Variants in SMAD6 observed in about 807,000 individuals in gnomAD.
SMAD6 encodes MAD homolog 6.
Under a neutral mutation model 39.4 loss-of-function variants are expected in SMAD6, and 103 were observed. The ratio of observed to expected loss-of-function variants is 2.62; its 90% confidence interval spans 2.23 to 3.08. The LOEUF (loss-of-function observed/expected upper bound fraction) is 3.08, where lower values mean the gene tolerates loss of function less well. Ranked by LOEUF, SMAD6 falls within the 30% of genes most tolerant of loss-of-function variation. The probability of loss-of-function intolerance (pLI) is 0.00; values close to 1 mark genes in which losing one functional copy is unlikely to be tolerated. For missense variants in SMAD6, 1,104 were observed against 742.9 expected (o/e 1.49, Z -5.65); for synonymous variants, 445 against 353.3 (o/e 1.26, Z -2.91).
chr15:66,781,625 C>G lies in SMAD6; in HGVS notation c.*90C>G. On this transcript the variant is annotated 3_prime_UTR_variant, in exon 4 of 4. Coordinates refer to ENST00000288840, the MANE Select transcript of SMAD6 (RefSeq NM_005585.5). Reference sequence around the variant, plus strand: ...GGGCCGATGCCCAGAGACACAGCCCCCACGGACAAAACCCCCCAGATATCA... The same window carrying G: ...GGGCCGATGCCCAGAGACACAGCCCGCACGGACAAAACCCCCCAGATATCA... 1.1e-6 allele frequency: 1 copy of G among 932,524 alleles called. No homozygotes were observed. The highest frequency in any genetic ancestry group is 1.5e-6 in the Non-Finnish European group (1 of 658,090). The allele number at this position is 932,524 out of a possible 1,614,324, so 57.8% of individuals were successfully genotyped here.
At position 66,759,182 on chromosome 15, in the gene SMAD6, G is replaced by T. The variant is rs565840320; in HGVS notation, c.953-21815G>T. ...TATCAAAGCCAAAATGATCTGTAAG[G>T]TATAATAATCAATAATCTTTGTACA... On this transcript the variant is annotated intron_variant, in intron 3 of 3. Transcript: ENST00000288840. Among the ~76,000 whole-genome samples, 14 of 152,250 alleles carry T rather than the reference G, an allele frequency of 9.2e-5. No individual in the cohort carries two copies. In the South Asian group the frequency reaches 2.7e-3, roughly 29 times the overall value.
chr15:66,779,358 C>T (rs1366270136), intron 3 of SMAD6, among the ~76,000 whole-genome samples: 1 of 152,202 alleles, frequency 6.6e-6, no homozygotes, highest in Non-Finnish European at 1.5e-5. Context: ...GCAAAATGAT[C>T]CAAGCTGCGG....
At position 66,781,268 on chromosome 15, in the gene SMAD6, C is replaced by G. The variant is rs1381118550; in HGVS notation, c.1224C>G (p.His408Gln). ...DGVWAYNRGE[H>Q]PIFVNSPTLD... ...TGTGGGCCTACAACCGCGGCGAGCA[C>G]CCCATCTTCGTCAACTCCCCGACGC... Residue 408 changes from histidine to glutamine, a missense_variant, in exon 4 of 4, where the codon CAC becomes CAG. Transcript: ENST00000288840. 1.9e-6 allele frequency: 3 copies of G among 1,607,562 alleles called. No individual in the cohort carries two copies. The highest frequency in any genetic ancestry group is 2.5e-6 in the Non-Finnish European group (3 of 1,178,928).
At chr15:66,718,946 C>A (rs910146803) in intron 3 of SMAD6, among the ~76,000 whole-genome samples, 1 of 152,106 alleles carries the variant, frequency 6.6e-6, no homozygotes, top group Non-Finnish European at 1.5e-5. Flanking sequence ...ATGTGTTGGG[C>A]CAGGCCGGGG....
At chr15:66,751,442 T>C (rs531354866) in intron 3 of SMAD6, among the ~76,000 whole-genome samples, 1 of 152,306 alleles carries the variant, frequency 6.6e-6, no homozygotes, top group African/African-American at 2.4e-5. Context: ...AGGCTGATAG[T>C]GCATGCCCTC....
chr15:66,756,183 G>A (rs577534464), intron 3 of SMAD6, among the ~76,000 whole-genome samples: 2 of 152,156 alleles, frequency 1.3e-5, no homozygotes, highest in East Asian at 3.9e-4. Flanking sequence ...TGAAAATATT[G>A]TGGGTACGTG....
intron 3 of SMAD6, chr15:66,740,525 C>G (rs1383955699): frequency 1.3e-5 from 2 of 152,180 alleles, no homozygotes; most frequent in Non-Finnish European, 2.9e-5. Context: ...TGGGCAAATT[C>G]TTCAACCTCT....
chr15:66,703,984 G>T lies in SMAD6; in HGVS notation c.726G>T (p.Lys242Asn), dbSNP rs1193911261. ...WPDLQHAVEL[K>N]PLCGCHSFAA... ...ACCTGCAGCACGCCGTGGAGCTGAA[G>T]CCCCTGTGCGGCTGCCACAGCTTCG... The change falls in exon 1 of 4, where the codon AAG becomes AAT. Residue 242 changes from lysine (K) to asparagine (N), a missense_variant. Transcript: ENST00000288840. 2 of 1,474,348 alleles carry T rather than the reference G, an allele frequency of 1.4e-6. No homozygotes were observed. Among genetic ancestry groups the T allele is most frequent in the African/African-American group, 1.5e-5 (1 of 68,526 alleles). The allele number at this position is 1,474,348 out of a possible 1,614,324, so 91.3% of individuals were successfully genotyped here. A position where few individuals can be genotyped will look rare whatever the true frequency, so the allele number is the denominator to read the frequency against.
At chr15:66,778,896 C>T (rs1894511826) in intron 3 of SMAD6, among the ~76,000 whole-genome samples, 1 of 152,220 alleles carries the variant, frequency 6.6e-6, no homozygotes, top group African/African-American at 2.4e-5. Flanking sequence ...GATGCCGTTG[C>T]CCGTCCTGTC....
chr15:66,742,277 G>A (rs998696949), intron 3 of SMAD6, among the ~76,000 whole-genome samples: 2 of 152,116 alleles, frequency 1.3e-5, no homozygotes, highest in Admixed American at 6.5e-5. Context: ...CGCCCTGAGC[G>A]CGTGCCCTCT....
intron 3 of SMAD6, among the ~76,000 whole-genome samples, chr15:66,772,341 C>T (rs1352918359): frequency 6.6e-6 from 1 of 152,180 alleles, no homozygotes; most frequent in East Asian, 1.9e-4. Context: ...TCAGGTAGTG[C>T]ATTTAAAGGG....
intron 3 of SMAD6, among the ~76,000 whole-genome samples, chr15:66,772,567 G>T (rs1894397097): frequency 6.6e-6 from 1 of 152,180 alleles, no homozygotes; most frequent in African/African-American, 2.4e-5. Context: ...AAGGCTGCAT[G>T]ATAGTAATAA....
Position 66,703,921 on chromosome 15 carries a change from GC to G in SMAD6, c.665del (p.Pro222ArgfsTer20). The G allele has an allele frequency of 2.3e-6, 3 of 1,309,056 alleles. No individual in the cohort carries two copies. The highest frequency in any genetic ancestry group is 3.2e-5 in the East Asian group (1 of 31,662). The allele number at this position is 1,309,056 out of a possible 1,614,324, so 81.1% of individuals were successfully genotyped here. On this transcript the variant is annotated frameshift_variant, in exon 1 of 4. Transcript: ENST00000288840. LOFTEE classifies it high-confidence loss of function. ...TCCGCCTGGGCGGCCAGCCCGCGCC[GC>G]CGCAGCTGCTGCTCGGCCGCCTCTT... is the stretch of plus-strand genomic sequence containing the variant. ...DLRLGGQPAPPQLLLGRLFRW... is the reference protein window; with the variant it reads ...DLRLGGQPAPXQLLLGRLFRW...
At chr15:66,727,635 C>T (rs1016097652) in intron 3 of SMAD6, among the ~76,000 whole-genome samples, 6 of 152,114 alleles carry the variant, frequency 3.9e-5, no homozygotes, top group Non-Finnish European at 8.8e-5. Flanking sequence ...GCCTTGAATG[C>T]CACTTCAGGG....
In SMAD6 at chr15:66,711,711, G is replaced by C. The variant is rs754018703; in HGVS notation, c.861G>C (p.Glu287Asp). ...ACTCTCGGCTGTCTCCTCGCGACGA[G>C]TACAAGCCACTGGGTAAGTGTGCCC... ...PPYSRLSPRD[E>D]YKPLDLSDST... Residue 287 changes from glutamate to aspartate, a missense_variant, in exon 2 of 4, where the codon GAG (glutamate) becomes GAC (aspartate). Glu to Asp is a conservative substitution (Grantham distance 45). Coordinates refer to ENST00000288840, the MANE Select transcript of SMAD6 (RefSeq NM_005585.5). The C allele has an allele frequency of 1.2e-6, 2 of 1,613,210 alleles. No individual in the cohort carries two copies. Among genetic ancestry groups the C allele is most frequent in the African/African-American group, 2.7e-5 (2 of 74,390 alleles).
At chr15:66,735,778 C>T (rs935654992) in intron 3 of SMAD6, among the ~76,000 whole-genome samples, 3 of 152,152 alleles carry the variant, frequency 2.0e-5, no homozygotes, top group African/African-American at 2.4e-5. Context: ...TGTAGGCAGA[C>T]AAGCAGGCAC....
At chr15:66,718,672 G>T (rs1184975682) in intron 3 of SMAD6, among the ~76,000 whole-genome samples, 4 of 152,094 alleles carry the variant, frequency 2.6e-5, no homozygotes, top group African/African-American at 9.7e-5. Context: ...AGGGCCCACT[G>T]TTAGCTTTTC....
intron 3 of SMAD6, among the ~76,000 whole-genome samples, chr15:66,771,456 G>C (rs535456037): frequency 6.6e-5 from 10 of 152,342 alleles, no homozygotes; most frequent in African/African-American, 2.4e-4. Flanking sequence ...TCAGGGCGCT[G>C]AGGCTGAAAG....
chr15:66,781,217 C>T lies in SMAD6; in HGVS notation c.1173C>T (p.Ile391=), dbSNP rs1215677844. The change falls in exon 4 of 4, where the codon ATC becomes ATT. Residue 391 remains isoleucine (I), a synonymous_variant. Transcript: ENST00000288840. ...CGCGCAGCAAGATCGGCTTCGGCAT[C>T]CTGCTCAGCAAGGAGCCCGACGGCG... ...RRTRSKIGFG[I]LLSKEPDGVW... The T allele has an allele frequency of 3.1e-6, 5 of 1,608,638 alleles. No homozygotes were observed. Among genetic ancestry groups the T allele is most frequent in the Non-Finnish European group, 4.2e-6 (5 of 1,179,742 alleles).
Sources: gnomAD v4.1 joint callset for allele counts (sites outside exome capture counted in the v4.1 genomes callset) on GRCh38, gnomAD v4.1.1 for gene constraint, MANE v1.5 for transcripts, NCBI Gene and HGNC (gene_info 2026-07-23, HGNC 2026-07-21) for gene names.